TANC2: variants seen among roughly 807,000 people sequenced by gnomAD.
The protein encoded by TANC2 is tetratricopeptide repeat, ankyrin repeat and coiled-coil containing 2, also known as protein TANC2.
Under a neutral mutation model 210.5 loss-of-function variants are expected in TANC2, and 26 were observed. The observed-to-expected ratio is 0.12, with a 90% CI of 0.09 to 0.17. TANC2 has a LOEUF of 0.17. TANC2 is among the 10% of genes least tolerant of loss of function. The pLI, the probability that TANC2 is intolerant of heterozygous loss-of-function variation, is 1.00. For missense variants in TANC2, 2,129 were observed against 2,608.9 expected (o/e 0.82, Z 4.01); for synonymous variants, 931 against 967.1 (o/e 0.96, Z 0.69).
chr17:63,314,550 T>C (rs2045251673), exon 10 of TANC2: 2 of 1,613,794 alleles, frequency 1.2e-6, no homozygotes, highest in Admixed American at 3.3e-5. Context: ...CAAGGAGTAG[T>C]GATTGTGGGA....
chr17:63,242,638 G>A (rs1004435036), intron 8 of TANC2, among the ~76,000 whole-genome samples: 1 of 152,088 alleles, frequency 6.6e-6, no homozygotes, highest in African/African-American at 2.4e-5. Flanking sequence ...TCAAAAATGA[G>A]TGGGATTCAT....
intron 20 of TANC2, 72 bp downstream of exon 20, chr17:63,405,327 C>A: frequency 4.2e-6 from 6 of 1,425,368 alleles, no homozygotes; most frequent in Non-Finnish European, 3.7e-6. Flanking sequence ...ATGCACAGAG[C>A]AAAATGATCA....
chr17:63,154,643 A>C (rs930395707), intron 5 of TANC2: 1 of 152,148 alleles, frequency 6.6e-6, no homozygotes, highest in Non-Finnish European at 1.5e-5. Flanking sequence ...CACTTAGAAG[A>C]ATGCTTGGCT....
chr17:63,412,815 T>A lies in TANC2; in HGVS notation c.3928+106T>A. 2 of 1,334,686 alleles carry A rather than the reference T, an allele frequency of 1.5e-6. No homozygotes were observed. Among genetic ancestry groups the A allele is most frequent in the Non-Finnish European group, 2.0e-6 (2 of 994,960 alleles). 82.7% of individuals were successfully genotyped at this position (1,334,686 alleles called of 1,614,324 possible). On this transcript the variant is annotated intron_variant, in intron 24 of 27. Transcript: ENST00000689528. The surrounding 1 kb of genome is among the most constrained non-coding windows in gnomAD (Gnocchi z 4.2). ...TGAGTTCCCTACACCTCTAATCTTT[T>A]AATTTACTTCACCTTAAAAGAAGAT...
At chr17:63,093,646 A>G (rs965227370) in intron 3 of TANC2, among the ~76,000 whole-genome samples, 2 of 152,172 alleles carry the variant, frequency 1.3e-5, no homozygotes, top group East Asian at 3.8e-4. Flanking sequence ...TGATTGCTAT[A>G]AAAGTTAACT....
chr17:63,091,060 T>G (rs1311706649), intron 3 of TANC2, among the ~76,000 whole-genome samples: 2 of 135,910 alleles, frequency 1.5e-5, no homozygotes, highest in African/African-American at 2.9e-5. Context: ...GGGTTGTTTG[T>G]TTTTTTTTTT....
At chr17:63,240,407 C>T (rs2146076332) in intron 8 of TANC2, among the ~76,000 whole-genome samples, 1 of 152,284 alleles carries the variant, frequency 6.6e-6, no homozygotes, top group South Asian at 2.1e-4. Context: ...CTGTCTTCTT[C>T]CTACTTACTC....
chr17:63,264,471 G>A (rs770230275), intron 8 of TANC2, among the ~76,000 whole-genome samples: 1 of 152,140 alleles, frequency 6.6e-6, no homozygotes, highest in Non-Finnish European at 1.5e-5. Context: ...TTATGACCAA[G>A]CAAAATGCCA....
At chr17:63,244,946 T>G (rs117482054) in intron 8 of TANC2, among the ~76,000 whole-genome samples, 3,069 of 152,276 alleles carry the variant, frequency 0.02, 47 homozygotes, top group Non-Finnish European at 0.032. Context: ...TCTGCCATGA[T>G]TGTGAGGCCC....
At chr17:63,136,694 A>T (rs989317690) in intron 4 of TANC2, among the ~76,000 whole-genome samples, 2 of 152,212 alleles carry the variant, frequency 1.3e-5, no homozygotes, top group Non-Finnish European at 2.9e-5. Flanking sequence ...ATTTACCAGT[A>T]ACGGACTTGC....
intron 4 of TANC2, among the ~76,000 whole-genome samples, chr17:63,145,025 G>T (rs917706): frequency 2.0e-5 from 3 of 149,500 alleles, no homozygotes; most frequent in Non-Finnish European, 4.5e-5. Flanking sequence ...CCTTCTCTCT[G>T]TTTTTTTTTG....
At chr17:63,332,175 A>C (rs1384474055) in intron 11 of TANC2, 1 of 372,808 alleles carries the variant, frequency 2.7e-6, no homozygotes, top group Non-Finnish European at 5.3e-6. Flanking sequence ...TTGCAAAGCC[A>C]CACACTGTTT....
At chr17:63,361,502 C>T (rs1448630802) in intron 14 of TANC2, among the ~76,000 whole-genome samples, 2 of 152,212 alleles carry the variant, frequency 1.3e-5, no homozygotes, top group Admixed American at 1.3e-4. Flanking sequence ...TGCGGTTGTA[C>T]CAAACATATT....
chr17:63,029,940 T>C (rs2034702647), intron 2 of TANC2, among the ~76,000 whole-genome samples: 2 of 152,168 alleles, frequency 1.3e-5, no homozygotes, highest in Admixed American at 1.3e-4. Context: ...CTATTTCTGG[T>C]ACCTAGGGTG....
chr17:63,328,376 ATGTGTGTG>A (rs61546119), intron 11 of TANC2, among the ~76,000 whole-genome samples: 28 of 147,126 alleles, frequency 1.9e-4, no homozygotes, highest in East Asian at 6.1e-4. Flanking sequence ...GTATGTGTAT[ATGTGTGTG>A]TGTGTGTGTG....
chr17:63,007,617 A>G (rs1255759797), intron 1 of TANC2, among the ~76,000 whole-genome samples: 2 of 136,572 alleles, frequency 1.5e-5, no homozygotes, highest in Admixed American at 6.9e-5. Flanking sequence ...TATCCTAGAG[A>G]TTACTACATG....
chr17:63,349,055 CA>C (rs2046509745), intron 12 of TANC2, among the ~76,000 whole-genome samples: 2 of 151,550 alleles, frequency 1.3e-5, no homozygotes, highest in Admixed American at 1.3e-4. Flanking sequence ...TAAGTGATGA[CA>C]TTTTTTTTGA....
chr17:63,200,128 G>T (rs2041477155), intron 6 of TANC2, among the ~76,000 whole-genome samples: 2 of 151,930 alleles, frequency 1.3e-5, no homozygotes, highest in African/African-American at 4.8e-5. Context: ...GGTTGAGGCG[G>T]GTGGATCACC....
intron 5 of TANC2, among the ~76,000 whole-genome samples, chr17:63,183,275 C>T (rs898845643): frequency 6.6e-6 from 1 of 152,176 alleles, no homozygotes; most frequent in African/African-American, 2.4e-5. Context: ...CATAAATCTT[C>T]CACAGAAATA....
Sources: gnomAD v4.1 joint callset for allele counts (sites outside exome capture counted in the v4.1 genomes callset) on GRCh38, gnomAD v4.1.1 for gene constraint, Gnocchi (gnomAD v3.1) non-coding constraint, MANE v1.5 for transcripts, NCBI Gene and HGNC (gene_info 2026-07-23, HGNC 2026-07-21) for gene names.